EGFR: variants seen among roughly 807,000 people sequenced by gnomAD.
The protein encoded by EGFR is avian erythroblastic leukemia viral (v-erb-b) oncogene homolog.
In EGFR, 58 loss-of-function variants were observed where a neutral mutation model predicts 143.0. The observed-to-expected ratio is 0.41, with a 90% CI of 0.33 to 0.50. The LOEUF is 0.50. EGFR is among the 20% of genes least tolerant of loss of function. EGFR has a pLI of 0.39. For missense variants in EGFR, 1,307 were observed against 1,579.0 expected, an observed-to-expected ratio of 0.83 and a Z score of 2.92; for synonymous variants, 613 against 594.4, an observed-to-expected ratio of 1.03 and a Z score of -0.45.
chr7:55,170,119 G>A (rs1380032472), intron 15 of EGFR, among the ~76,000 whole-genome samples: 5 of 152,164 alleles, frequency 3.3e-5, no homozygotes, highest in Admixed American at 6.5e-5. Flanking sequence ...AAGCACCACA[G>A]GGGTAAGACT....
intron 1 of EGFR, among the ~76,000 whole-genome samples, chr7:55,033,161 AAGC>A (rs1341402175): frequency 1.3e-5 from 2 of 152,220 alleles, no homozygotes; most frequent in Non-Finnish European, 2.9e-5. Context: ...ATTCTAGAAA[AAGC>A]AGCAACTTTC....
rs889949986 is a variant in EGFR at position 55,206,770 on chromosome 7, A to T, written c.*1153A>T. 9.0e-5 allele frequency: 21 copies of T among 233,026 alleles called. No individual in the cohort carries two copies. Among genetic ancestry groups the T allele is most frequent in the African/African-American group, 4.4e-4 (20 of 45,274 alleles). 14.4% of individuals were successfully genotyped at this position (233,026 alleles called of 1,614,324 possible). On this transcript the variant is annotated 3_prime_UTR_variant, in exon 28 of 28. Coordinates refer to ENST00000275493, the MANE Select transcript of EGFR (RefSeq NM_005228.5). The stretch of plus-strand genomic sequence containing the variant: ...GTTCCCTCCAGGTCAGCTGCCCCCA[A>T]ACCCCCTCCTTACGCTTTGTCACAC...
chr7:55,053,709 G>A (rs960870395), intron 1 of EGFR, among the ~76,000 whole-genome samples: 3 of 152,336 alleles, frequency 2.0e-5, no homozygotes, highest in Admixed American at 2.0e-4. Context: ...AGCCCTTGCC[G>A]GGCCAGGCCC....
At chr7:55,095,458 GC>G (rs1306706215) in intron 1 of EGFR, among the ~76,000 whole-genome samples, 11 of 152,180 alleles carry the variant, frequency 7.2e-5, no homozygotes, top group Non-Finnish European at 1.6e-4. Flanking sequence ...CCTGAATTAG[GC>G]CCTGTCCTTT....
chr7:55,170,828 G>T, intron 15 of EGFR: 1 of 1,415,456 alleles, frequency 7.1e-7, no homozygotes, highest in South Asian at 1.5e-5. Flanking sequence ...TTCTAGCCTT[G>T]GTTCCTTCTG....
At chr7:55,173,804 C>T (rs2128953281) in intron 17 of EGFR, 117 bp from the exon 18 acceptor site, 1 of 1,543,154 alleles carries the variant, frequency 6.5e-7, no homozygotes, top group Non-Finnish European at 8.9e-7. Flanking sequence ...GTGCCGTGTC[C>T]TGGCACCCAA....
At chr7:55,042,456 T>C (rs1023861736) in intron 1 of EGFR, among the ~76,000 whole-genome samples, 1 of 152,200 alleles carries the variant, frequency 6.6e-6, no homozygotes, top group Non-Finnish European at 1.5e-5. Flanking sequence ...AGAAAATCCA[T>C]GTCCATTTGG....
At chr7:55,164,325 A>G (rs1317085399) in intron 14 of EGFR, among the ~76,000 whole-genome samples, 3 of 152,208 alleles carry the variant, frequency 2.0e-5, no homozygotes, top group Non-Finnish European at 4.4e-5. Flanking sequence ...CCCCTCTCAC[A>G]CCAAATGTCC....
At chr7:55,087,111 G>A (rs918529582) in intron 1 of EGFR, among the ~76,000 whole-genome samples, 1 of 151,912 alleles carries the variant, frequency 6.6e-6, no homozygotes, top group Non-Finnish European at 1.5e-5. Context: ...CCCCCGCGCT[G>A]TGAGTGTGCT....
At position 55,093,182 on chromosome 7, in the gene EGFR, G is replaced by A. The variant is rs575390107; in HGVS notation, c.89-49104G>A. ...AGGGGTCCGCTGGGTTCCTTCCAGC[G>A]CCTAAGCCTGTAAGCTCTTCCTGCT... On this transcript the variant is annotated intron_variant, in intron 1 of 27. Transcript: ENST00000275493. 1.6e-4 allele frequency among the ~76,000 whole-genome samples: 25 copies of A among 152,316 alleles called. No homozygotes were observed. The East Asian group carries it at 4.2e-3, about 26-fold the overall frequency.
At chr7:55,084,584 A>C (rs976001177) in intron 1 of EGFR, among the ~76,000 whole-genome samples, 5 of 152,240 alleles carry the variant, frequency 3.3e-5, no homozygotes, top group African/African-American at 1.2e-4. Flanking sequence ...TAAGAGATAT[A>C]ATAAAGCTGG....
intron 19 of EGFR, among the ~76,000 whole-genome samples, chr7:55,177,160 C>G (rs188955323): frequency 6.6e-6 from 1 of 152,044 alleles, no homozygotes. Flanking sequence ...TGGAGTGTTC[C>G]CTGAAGCCTG....
At chr7:55,195,041 A>T (rs1787560991) in intron 22 of EGFR, among the ~76,000 whole-genome samples, 1 of 152,210 alleles carries the variant, frequency 6.6e-6, no homozygotes, top group Non-Finnish European at 1.5e-5. Flanking sequence ...CACTGGCTAT[A>T]CTGGCTCTCC....
At chr7:55,099,957 G>C (rs1385854060) in intron 1 of EGFR, among the ~76,000 whole-genome samples, 3 of 152,216 alleles carry the variant, frequency 2.0e-5, no homozygotes, top group Admixed American at 2.0e-4. Flanking sequence ...GGTGTTTACA[G>C]ATAATACAAG....
intron 20 of EGFR, among the ~76,000 whole-genome samples, chr7:55,184,691 T>C (rs1787053367): frequency 1.3e-5 from 2 of 152,230 alleles, no homozygotes; most frequent in Non-Finnish European, 2.9e-5. Context: ...TATTTTGATT[T>C]GAAGTCCTTT....
At position 55,181,328 on chromosome 7, in the gene EGFR, C is replaced by A. The variant is rs768468531; in HGVS notation, c.2319C>A (p.His773Gln). ...AYVMASVDNP[H>Q]VCRLLGICLT... ...TGATGGCCAGCGTGGACAACCCCCACGTGTGCCGCCTGCTGGGCATCTGCC... is the reference window on the plus strand; with the variant it reads ...TGATGGCCAGCGTGGACAACCCCCAAGTGTGCCGCCTGCTGGGCATCTGCC... Residue 773 changes from histidine (H) to glutamine (Q), a missense_variant, in exon 20 of 28, where the codon CAC (histidine) becomes CAA (glutamine). This residue lies in a region of EGFR where 348 missense variants were observed against 451.5 expected (regional missense o/e 0.77). Transcript: ENST00000275493. The A allele has an allele frequency of 6.2e-7, 1 of 1,614,214 alleles. No homozygotes were observed. The highest frequency in any genetic ancestry group is 8.5e-7 in the Non-Finnish European group (1 of 1,180,048).
chr7:55,030,335 T>C (rs930216524), intron 1 of EGFR, among the ~76,000 whole-genome samples: 2 of 152,244 alleles, frequency 1.3e-5, no homozygotes, highest in African/African-American at 4.8e-5. Context: ...AATTTCTGTA[T>C]ATTTCTGTGT....
chr7:55,156,250 G>C (rs111635903), intron 8 of EGFR, among the ~76,000 whole-genome samples: 27 of 152,162 alleles, frequency 1.8e-4, no homozygotes, highest in Non-Finnish European at 5.9e-5. Context: ...AGCTCCAAGC[G>C]GCCCATGGGA....
intron 1 of EGFR, among the ~76,000 whole-genome samples, chr7:55,055,179 T>C (rs1031783569): frequency 3.9e-5 from 6 of 152,172 alleles, no homozygotes; most frequent in African/African-American, 1.4e-4. Context: ...CTGCTCATCT[T>C]AGAGTCTCTC....
Sources: gnomAD v4.1 joint callset for allele counts (sites outside exome capture counted in the v4.1 genomes callset) on GRCh38, gnomAD v4.1.1 for gene constraint, gnomAD v4.1.1 regional missense constraint, MANE v1.5 for transcripts, NCBI Gene and HGNC (gene_info 2026-07-23, HGNC 2026-07-21) for gene names.